Variants in ZNF365 observed in about 807,000 individuals in gnomAD.
ZNF365 encodes protein ZNF365.
Under a neutral mutation model 35.0 loss-of-function variants are expected in ZNF365, and 22 were observed. The observed-to-expected ratio is 0.63, with a 90% CI of 0.45 to 0.90. The LOEUF (loss-of-function observed/expected upper bound fraction) is 0.90. Among genes scored for constraint, ZNF365 ranks in the 40% least tolerant of loss-of-function variants. The pLI is 0.00. For missense variants in ZNF365, 448 were observed against 500.3 expected (o/e 0.90, Z 1.00); for synonymous variants, 188 against 196.2 (o/e 0.96, Z 0.35).
At chr10:62,434,336 T>C (rs925957333) in intron 3 of ZNF365, among the ~76,000 whole-genome samples, 3 of 152,128 alleles carry the variant, frequency 2.0e-5, no homozygotes, top group Non-Finnish European at 4.4e-5. Context: ...ACAAATCAAC[T>C]GATGGGTGGA....
intron 2 of ZNF365, among the ~76,000 whole-genome samples, chr10:62,380,111 T>A (rs2132409686): frequency 6.6e-6 from 1 of 152,386 alleles, no homozygotes; most frequent in Non-Finnish European, 1.5e-5. Flanking sequence ...GCTTCTGCCC[T>A]GAGGCCATCT....
chr10:62,437,866 T>C (rs924598025), intron 3 of ZNF365, among the ~76,000 whole-genome samples: 3 of 152,214 alleles, frequency 2.0e-5, no homozygotes, highest in South Asian at 2.1e-4. Context: ...GGCTTGATTA[T>C]GTAGGTATTA....
At chr10:62,439,902 T>C (rs1041080671) in intron 3 of ZNF365, among the ~76,000 whole-genome samples, 26 of 152,320 alleles carry the variant, frequency 1.7e-4, no homozygotes, top group African/African-American at 5.3e-4. Flanking sequence ...ATTTTGATAC[T>C]TCTTAGAACC....
At chr10:62,436,028 G>C (rs1840401536) in intron 3 of ZNF365, among the ~76,000 whole-genome samples, 1 of 152,026 alleles carries the variant, frequency 6.6e-6, no homozygotes, top group Non-Finnish European at 1.5e-5. Context: ...TACTTCATGG[G>C]TATTTGGTTT....
At chr10:62,459,455 A>C (rs1406584995) in intron 3 of ZNF365, among the ~76,000 whole-genome samples, 1 of 152,244 alleles carries the variant, frequency 6.6e-6, no homozygotes, top group Non-Finnish European at 1.5e-5. Flanking sequence ...GAGAATGTAC[A>C]CACATCCAGA....
chr10:62,410,526 C>T lies in ZNF365; in HGVS notation c.924+21950C>T, dbSNP rs546256187. Among the ~76,000 whole-genome samples, 8 of 152,166 alleles carry T rather than the reference C, an allele frequency of 5.3e-5. No individual in the cohort carries two copies. The South Asian group carries it at 1.5e-3, about 28-fold the overall frequency. ...CTATTCTTCCTGATGCTCTCCCTCC[C>T]TCCCCATAGGCACCTGTGTGTGTAG... On this transcript the variant is annotated intron_variant, in intron 3 of 4. Transcript: ENST00000395255.
intron 4 of ZNF365, among the ~76,000 whole-genome samples, chr10:62,476,964 A>G (rs945715880): frequency 2.0e-5 from 3 of 152,204 alleles, no homozygotes; most frequent in Admixed American, 6.5e-5. Context: ...AATTAGATTT[A>G]CTATATTGTG....
At chr10:62,465,806 C>T (rs569131073) in intron 4 of ZNF365, among the ~76,000 whole-genome samples, 4 of 152,300 alleles carry the variant, frequency 2.6e-5, no homozygotes, top group African/African-American at 7.2e-5. Flanking sequence ...AGCTGTAACA[C>T]GTTCCTGGCT....
chr10:62,442,162 C>A (rs1017551385), intron 3 of ZNF365, among the ~76,000 whole-genome samples: 2 of 152,152 alleles, frequency 1.3e-5, no homozygotes, highest in Admixed American at 6.6e-5. Flanking sequence ...GTGTACTTTT[C>A]GTTTTACTGG....
chr10:62,397,582 A>T (rs1202742017), intron 3 of ZNF365, among the ~76,000 whole-genome samples: 1 of 152,198 alleles, frequency 6.6e-6, no homozygotes, highest in Non-Finnish European at 1.5e-5. Context: ...TCACAAAATG[A>T]TAATTATCAA....
At chr10:62,464,412 T>G (rs918278096) in intron 4 of ZNF365, among the ~76,000 whole-genome samples, 28 of 152,342 alleles carry the variant, frequency 1.8e-4, no homozygotes, top group Admixed American at 1.8e-3. Flanking sequence ...TGTTGGAATT[T>G]AAGATCCAGA....
intron 3 of ZNF365, among the ~76,000 whole-genome samples, chr10:62,443,545 T>C (rs536103702): frequency 2.0e-5 from 3 of 152,350 alleles, no homozygotes; most frequent in Non-Finnish European, 4.4e-5. Context: ...TGCATATGTA[T>C]ATGTCTCTTG....
At chr10:62,375,451 T>C (rs1438276096) in intron 1 of ZNF365, 1 of 152,248 alleles carries the variant, frequency 6.6e-6, no homozygotes, top group Admixed American at 6.5e-5. Flanking sequence ...ATGGGGTCTG[T>C]TATTGTTACG....
Position 62,421,167 on chromosome 10 carries a change from C to T in ZNF365, c.924+32591C>T, listed in dbSNP as rs915764894. On this transcript the variant is annotated intron_variant, in intron 3 of 4. Coordinates refer to the ZNF365 transcript ENST00000395255. ...TTGATTTGATTGTTAATGTCTAAGT[C>T]ATCAACAATCTTATTGTCATCACCA... Among the ~76,000 whole-genome samples, 5 of 152,048 alleles carry T rather than the reference C, an allele frequency of 3.3e-5. No homozygotes were observed. In the East Asian group the frequency reaches 9.6e-4, roughly 29 times the overall value.
At position 62,391,456 on chromosome 10, in the gene ZNF365, T is replaced by C. The variant is rs568193678; in HGVS notation, c.924+2880T>C. On this transcript the variant is annotated intron_variant, in intron 3 of 4. Transcript: ENST00000395254. ...GTATCATTCTTAAGCCTTTGCATTC[T>C]CATAGCTTAGCTCCCACTTATGAGT... 5.3e-5 allele frequency among the ~76,000 whole-genome samples: 8 copies of C among 152,342 alleles called. No individual in the cohort carries two copies. The South Asian group carries it at 1.7e-3, about 32-fold the overall frequency.
At chr10:62,410,277 A>T (rs909696094) in intron 3 of ZNF365, among the ~76,000 whole-genome samples, 8 of 152,142 alleles carry the variant, frequency 5.3e-5, no homozygotes. Context: ...GAGCAGGGCT[A>T]AGGGATAGCT....
intron 4 of ZNF365, among the ~76,000 whole-genome samples, chr10:62,477,430 G>A (rs1841150400): frequency 6.6e-6 from 1 of 152,110 alleles, no homozygotes; most frequent in Non-Finnish European, 1.5e-5. Flanking sequence ...GCAAACAAAT[G>A]TATCAAGATT....
intron 3 of ZNF365, among the ~76,000 whole-genome samples, chr10:62,430,315 G>A (rs1467147819): frequency 6.7e-6 from 1 of 148,392 alleles, no homozygotes; most frequent in African/African-American, 2.5e-5. Flanking sequence ...TGAGTAGCTG[G>A]GACTACAGGT....
intron 3 of ZNF365, among the ~76,000 whole-genome samples, chr10:62,424,030 G>GA (rs1292415032): frequency 1.3e-5 from 2 of 151,980 alleles, no homozygotes; most frequent in African/African-American, 2.4e-5. Flanking sequence ...TTAGGATAAA[G>GA]AAAAAAATTA....
Sources: gnomAD v4.1 joint callset for allele counts (sites outside exome capture counted in the v4.1 genomes callset) on GRCh38, gnomAD v4.1.1 for gene constraint, MANE v1.5 for transcripts, NCBI Gene and HGNC (gene_info 2026-07-23, HGNC 2026-07-21) for gene names.